Variants in PDE1C observed in about 807,000 individuals in gnomAD.
The protein encoded by PDE1C is dual specificity calcium/calmodulin-dependent 3',5'-cyclic nucleotide phosphodiesterase 1C.
Under a neutral mutation model 93.1 loss-of-function variants are expected in PDE1C, and 62 were observed. The observed-to-expected ratio is 0.67, with a 90% confidence interval of 0.54 to 0.82. The LOEUF (loss-of-function observed/expected upper bound fraction) is 0.82. Ranked by LOEUF, PDE1C falls within the 40% of genes least tolerant of loss-of-function variation. PDE1C has a pLI of 0.00. For synonymous variants in PDE1C, 325 were observed against 310.1 expected (o/e 1.05, Z -0.50); for missense variants, 742 against 884.6 (o/e 0.84, Z 2.04).
chr7:31,629,954 A>G, the PDE1C span, among the ~76,000 whole-genome samples: 1 of 152,186 alleles, frequency 6.6e-6, no homozygotes, highest in Non-Finnish European at 1.5e-5. Context: ...TGATATAAAT[A>G]TAATAAATAT....
the PDE1C span, among the ~76,000 whole-genome samples, chr7:31,655,312 A>G: frequency 3.9e-5 from 6 of 152,056 alleles, no homozygotes; most frequent in East Asian, 3.9e-4. Context: ...CAGTCAGTCA[A>G]TGACCACACC....
At chr7:31,815,859 C>A (rs1788181600) in intron 15 of PDE1C, 65 bp downstream of exon 15, 2 of 1,218,392 alleles carry the variant, frequency 1.6e-6, no homozygotes, top group Non-Finnish European at 2.4e-6. Context: ...GGTTGTTCAC[C>A]AGTTTCCATT....
At chr7:31,923,988 G>A (rs996541117) in intron 2 of PDE1C, among the ~76,000 whole-genome samples, 14 of 152,162 alleles carry the variant, frequency 9.2e-5, no homozygotes, top group African/African-American at 3.4e-4. Flanking sequence ...TTCTATTCAA[G>A]ATCTCATTCC....
intron 3 of PDE1C, among the ~76,000 whole-genome samples, chr7:32,105,015 GTGGTTAAAAACTTCA>G (rs140331194): frequency 0.028 from 4,221 of 152,194 alleles, 190 homozygotes; most frequent in African/African-American, 0.097. Flanking sequence ...CATATGAATT[GTGGTTAAAAACTTCA>G]TGTCTCCCAA....
chr7:32,011,142 GA>G (rs573538908), intron 2 of PDE1C, among the ~76,000 whole-genome samples: 303 of 152,010 alleles, frequency 2.0e-3, no homozygotes, highest in African/African-American at 6.8e-3. Context: ...TCTGATAAAG[GA>G]CTTGTATCTG....
intron 16 of PDE1C, among the ~76,000 whole-genome samples, chr7:31,790,856 T>G (rs552675733): frequency 7.0e-4 from 106 of 152,214 alleles, no homozygotes; most frequent in African/African-American, 2.5e-3. Flanking sequence ...TAGACAATAT[T>G]GTATTTCTTT....
intron 1 of PDE1C, among the ~76,000 whole-genome samples, chr7:32,063,317 GT>G (rs1379507330): frequency 2.0e-5 from 3 of 152,144 alleles, no homozygotes; most frequent in Non-Finnish European, 4.4e-5. Context: ...TCTTTTAGTT[GT>G]TTCTCAAAAA....
At position 31,815,910 on chromosome 7, in the gene PDE1C, G is replaced by GT. The variant is rs772853590; in HGVS notation, c.1813+13dup. The GT allele has an allele frequency of 1.4e-5, 22 of 1,561,494 alleles. No individual in the cohort carries two copies. The highest frequency in any genetic ancestry group is 3.3e-5 in the Admixed American group (2 of 59,896). ...GCCGCGAAAAGAGCCCTTCACCAGTGTAAGTCTACTCACCATTCTGTTGCT... is the reference window on the plus strand; with the variant it reads ...GCCGCGAAAAGAGCCCTTCACCAGTGTTAAGTCTACTCACCATTCTGTTGCT... On this transcript the variant is annotated intron_variant, in intron 15 of 17. Transcript: ENST00000396191.
Position 32,292,629 on chromosome 7 carries a change from A to G in PDE1C, c.85+6022T>C, listed in dbSNP as rs142411750. ...AGCCATGAAATGCCACCTCTCTAAG[A>G]TCACAGCAAAAGGAAGATGGGGTTC... On this transcript the variant is annotated intron_variant, in intron 1 of 18. Transcript: ENST00000396193. Among the ~76,000 whole-genome samples the G allele has an allele frequency of 8.8e-4, 134 of 152,272 alleles. 1 individual carries two copies. The highest frequency in any genetic ancestry group is 3.1e-3 in the African/African-American group (127 of 41,552).
At chr7:31,884,193 C>G (rs1186785005) in intron 2 of PDE1C, among the ~76,000 whole-genome samples, 7 of 151,414 alleles carry the variant, frequency 4.6e-5, no homozygotes, top group African/African-American at 1.7e-4. Context: ...TTTCTTTACT[C>G]AAGGATGATG....
chr7:32,325,031 G>C (rs1783378482), intron 1 of PDE1C, among the ~76,000 whole-genome samples: 1 of 152,192 alleles, frequency 6.6e-6, no homozygotes, highest in African/African-American at 2.4e-5. Context: ...GAACCTTCTT[G>C]TTGAAAACTG....
At chr7:32,393,655 C>G (rs747853852) in intron 1 of PDE1C, among the ~76,000 whole-genome samples, 58 of 152,214 alleles carry the variant, frequency 3.8e-4, no homozygotes, top group Non-Finnish European at 6.6e-4. Flanking sequence ...ATTCTAGGAG[C>G]CTAAAATAGC....
intron 2 of PDE1C, among the ~76,000 whole-genome samples, chr7:32,048,085 G>A (rs1792845502): frequency 6.6e-6 from 1 of 152,162 alleles, no homozygotes; most frequent in South Asian, 2.1e-4. Flanking sequence ...GGAGTGTCAA[G>A]ATATATTTAA....
intron 1 of PDE1C, among the ~76,000 whole-genome samples, chr7:32,283,412 T>G (rs1327125528): frequency 6.6e-6 from 1 of 152,198 alleles, no homozygotes; most frequent in Admixed American, 6.5e-5. Context: ...GTATGACAGG[T>G]AGGATTTTTG....
chr7:31,967,171 G>A (rs960127589), intron 2 of PDE1C, among the ~76,000 whole-genome samples: 8 of 152,182 alleles, frequency 5.3e-5, no homozygotes, highest in African/African-American at 1.9e-4. Flanking sequence ...GAATCCAGGA[G>A]CTGCTTTTTT....
chr7:31,679,684 C>T, the PDE1C span, among the ~76,000 whole-genome samples: 2 of 152,184 alleles, frequency 1.3e-5, no homozygotes, highest in Non-Finnish European at 2.9e-5. Flanking sequence ...TGTGCTTGCT[C>T]CCTCTGTGTT....
chr7:31,878,982 A>G lies in PDE1C; in HGVS notation c.425+14T>C, dbSNP rs1204099916. 6.2e-7 allele frequency: 1 copy of G among 1,607,244 alleles called. No individual in the cohort carries two copies. Among genetic ancestry groups the G allele is most frequent in the Middle Eastern group, 1.7e-4 (1 of 6,022 alleles). ...CTGCTTTAGTCACTAAATGACAATGAATGACATCTTTACCTCTCCACAAAT... is the reference window on the plus strand; with the variant it reads ...CTGCTTTAGTCACTAAATGACAATGGATGACATCTTTACCTCTCCACAAAT... On this transcript the variant is annotated intron_variant, in intron 4 of 17. Transcript: ENST00000396191.
intron 2 of PDE1C, among the ~76,000 whole-genome samples, chr7:32,005,932 TAAATC>T (rs1017262688): frequency 1.5e-4 from 23 of 152,334 alleles, no homozygotes; most frequent in African/African-American, 5.3e-4. Flanking sequence ...AAGCCAGACT[TAAATC>T]AAATTTTTCC....
the PDE1C span, chr7:31,692,307 C>T: frequency 1.5e-6 from 1 of 673,064 alleles, no homozygotes; most frequent in Non-Finnish European, 2.5e-6. Context: ...GGATTGGGAA[C>T]ACAATAGCAG....
Sources: gnomAD v4.1 joint callset for allele counts (sites outside exome capture counted in the v4.1 genomes callset) on GRCh38, gnomAD v4.1.1 for gene constraint, MANE v1.5 for transcripts, NCBI Gene and HGNC (gene_info 2026-07-23, HGNC 2026-07-21) for gene names.